EYS: variants seen among roughly 807,000 people sequenced by gnomAD.
EYS encodes the protein EGF-like photoreceptor maintenance factor.
Under a neutral mutation model 282.1 loss-of-function variants are expected in EYS, and 250 were observed. The observed-to-expected ratio is 0.89, with a 90% CI of 0.80 to 0.98. The LOEUF is 0.98. Among genes scored for constraint, EYS ranks in the 50% least tolerant of loss-of-function variants. The pLI is 0.00. For synonymous variants in EYS, 1,355 were observed against 1,282.9 expected, an observed-to-expected ratio of 1.06 and a Z score of -1.20; for missense variants, 4,016 against 3,709.0, an observed-to-expected ratio of 1.08 and a Z score of -2.15.
intron 14 of EYS, among the ~76,000 whole-genome samples, chr6:64,980,133 T>TA (rs1770605146): frequency 6.6e-6 from 1 of 151,534 alleles, no homozygotes; most frequent in African/African-American, 2.4e-5. Context: ...TGGGCAATAA[T>TA]AAAAAATGTG....
chr6:63,764,012 C>G (rs1582184080), intron 40 of EYS, among the ~76,000 whole-genome samples: 1 of 151,130 alleles, frequency 6.6e-6, no homozygotes, highest in East Asian at 2.0e-4. Flanking sequence ...TCTTCCTTCC[C>G]TTTCTCTCCC....
intron 19 of EYS, among the ~76,000 whole-genome samples, chr6:64,858,156 TA>T (rs1436137021): frequency 6.6e-6 from 1 of 152,148 alleles, no homozygotes; most frequent in Non-Finnish European, 1.5e-5. Flanking sequence ...AGAGTTATAT[TA>T]AAAAAATTAT....
chr6:65,025,920 A>G (rs1772395033), intron 13 of EYS, among the ~76,000 whole-genome samples: 1 of 152,202 alleles, frequency 6.6e-6, no homozygotes, highest in African/African-American at 2.4e-5. Context: ...AGATTAATAC[A>G]GTGAGTCACT....
intron 35 of EYS, among the ~76,000 whole-genome samples, chr6:63,872,477 GTTTTTTTTTT>G (rs3041455): frequency 4.2e-5 from 5 of 119,398 alleles, no homozygotes; most frequent in African/African-American, 1.7e-4. Context: ...CCTAAATATG[GTTTTTTTTTT>G]TTTTTTTTTA....
chr6:63,818,735 T>C (rs1427397080), intron 36 of EYS, among the ~76,000 whole-genome samples: 1 of 152,176 alleles, frequency 6.6e-6, no homozygotes. Context: ...GGACACACCT[T>C]GGAGCCCTCA....
At chr6:65,306,668 A>AAAAG (rs1191820968) in intron 11 of EYS, among the ~76,000 whole-genome samples, 2 of 146,678 alleles carry the variant, frequency 1.4e-5, no homozygotes, top group Admixed American at 6.7e-5. Context: ...GATAAAAAAA[A>AAAAG]AAAGAAAGAA....
chr6:65,486,135 C>A (rs1297126782), intron 5 of EYS, among the ~76,000 whole-genome samples: 1 of 152,122 alleles, frequency 6.6e-6, no homozygotes, highest in Non-Finnish European at 1.5e-5. Context: ...GTGGTTCACA[C>A]ATAGTTCATA....
intron 11 of EYS, among the ~76,000 whole-genome samples, chr6:65,328,197 C>G (rs538202499): frequency 5.8e-4 from 88 of 151,490 alleles, no homozygotes; most frequent in Non-Finnish European, 9.5e-4. Context: ...TAAAATTAAA[C>G]TGTTCCAGTC....
At chr6:64,186,136 C>T (rs1436903378) in intron 31 of EYS, among the ~76,000 whole-genome samples, 4 of 151,980 alleles carry the variant, frequency 2.6e-5, no homozygotes, top group Non-Finnish European at 5.9e-5. Context: ...TCCTCAGGTC[C>T]CACCAAAGGC....
At chr6:65,085,139 C>T (rs1354393505) in intron 12 of EYS, among the ~76,000 whole-genome samples, 2 of 152,096 alleles carry the variant, frequency 1.3e-5, no homozygotes, top group Non-Finnish European at 2.9e-5. Context: ...AGCCAGAAGT[C>T]ATGACAAAGG....
chr6:64,562,506 T>C (rs899739270), intron 26 of EYS, among the ~76,000 whole-genome samples: 1 of 151,926 alleles, frequency 6.6e-6, no homozygotes, highest in Non-Finnish European at 1.5e-5. Context: ...ACTGCTATTA[T>C]GGAAAAAATT....
intron 29 of EYS, among the ~76,000 whole-genome samples, chr6:64,345,279 C>A (rs1455178430): frequency 6.6e-6 from 1 of 152,130 alleles, no homozygotes; most frequent in Non-Finnish European, 1.5e-5. Context: ...CCAGAGGCAT[C>A]ATGCTACCTG....
intron 14 of EYS, among the ~76,000 whole-genome samples, chr6:64,964,999 C>T (rs891593173): frequency 6.6e-6 from 1 of 152,048 alleles, no homozygotes; most frequent in African/African-American, 2.4e-5. Flanking sequence ...CACCATTGCA[C>T]TCCTGCTGGA....
At chr6:63,844,656 C>A (rs1772051477) in intron 36 of EYS, among the ~76,000 whole-genome samples, 1 of 151,626 alleles carries the variant, frequency 6.6e-6, no homozygotes, top group East Asian at 1.9e-4. Context: ...CATAAATGTC[C>A]TTTTGGAGAA....
chr6:64,048,174 G>T (rs1770690870), intron 33 of EYS, among the ~76,000 whole-genome samples: 1 of 152,142 alleles, frequency 6.6e-6, no homozygotes, highest in Non-Finnish European at 1.5e-5. Context: ...CCAAAGTGCT[G>T]GGATTACCGG....
chr6:65,309,164 C>A (rs1769088882), intron 11 of EYS, among the ~76,000 whole-genome samples: 1 of 152,058 alleles, frequency 6.6e-6, no homozygotes, highest in Non-Finnish European at 1.5e-5. Context: ...ATTCTTTCGT[C>A]AGATTTCCTC....
intron 5 of EYS, among the ~76,000 whole-genome samples, chr6:65,410,119 T>A (rs1216038421): frequency 6.6e-6 from 1 of 152,082 alleles, no homozygotes; most frequent in Non-Finnish European, 1.5e-5. Flanking sequence ...TTTGAAATTA[T>A]AGTAAAACAT....
chr6:65,260,291 A>C lies in EYS; in HGVS notation c.2023+35572T>G, dbSNP rs150018889. On this transcript the variant is annotated intron_variant, in intron 12 of 42. Transcript: ENST00000503581. ...CCCTTGACATGTGGGAATTATAAGA[A>C]TTATAATTCAAGATGAGATTTGTGT... 1.2e-4 allele frequency among the ~76,000 whole-genome samples: 19 copies of C among 152,190 alleles called. 1 individual carries two copies. The highest frequency in any genetic ancestry group is 3.4e-3 in the Middle Eastern group (1 of 294).
At chr6:65,519,954 C>T (rs1191694187) in intron 2 of EYS, among the ~76,000 whole-genome samples, 7 of 147,756 alleles carry the variant, frequency 4.7e-5, no homozygotes, top group Admixed American at 6.8e-5. Flanking sequence ...CTTTTCTAAA[C>T]GATGTATGGA....
Sources: gnomAD v4.1 joint callset for allele counts (sites outside exome capture counted in the v4.1 genomes callset) on GRCh38, gnomAD v4.1.1 for gene constraint, MANE v1.5 for transcripts, NCBI Gene and HGNC (gene_info 2026-07-23, HGNC 2026-07-21) for gene names.